Variants in PTCHD4 observed in about 807,000 individuals in gnomAD.
PTCHD4 encodes patched domain containing 4, also known as patched domain-containing protein 4.
Under a neutral mutation model 58.1 loss-of-function variants are expected in PTCHD4, and 33 were observed. That is an observed-to-expected ratio of 0.57 (90% CI 0.43 to 0.76). PTCHD4 has a LOEUF of 0.76. Among genes scored for constraint, PTCHD4 ranks in the 30% least tolerant of loss-of-function variants. The pLI is 0.00. For synonymous variants in PTCHD4, 478 were observed against 409.6 expected, an observed-to-expected ratio of 1.17 and a Z score of -2.02; for missense variants, 1,058 against 1,027.1, an observed-to-expected ratio of 1.03 and a Z score of -0.41.
rs1181950660 is a variant in PTCHD4 at position 47,858,445 on chromosome 6, A to G, written c.*19858T>C. ...GAATGAGGCAGAAATGTAAACATTAATGGAAATAAAAGTTATCACATCTCC... is the reference window on the plus strand; with the variant it reads ...GAATGAGGCAGAAATGTAAACATTAGTGGAAATAAAAGTTATCACATCTCC... On this transcript the variant is annotated 3_prime_UTR_variant, in exon 5 of 5. Transcript: ENST00000339488. 3.3e-5 allele frequency among the ~76,000 whole-genome samples: 5 copies of G among 152,064 alleles called. No individual in the cohort carries two copies. The highest frequency in any genetic ancestry group is 3.3e-4 in the Admixed American group (5 of 15,232).
chr6:47,985,752 CT>C (rs11364222), intron 4 of PTCHD4, among the ~76,000 whole-genome samples: 106,153 of 150,348 alleles, frequency 0.71, 37,383 homozygotes, highest in East Asian at 0.84. Flanking sequence ...AAATGCATTC[CT>C]TTTTTTTTTC....
chr6:47,934,460 T>A (rs555667558), intron 4 of PTCHD4, among the ~76,000 whole-genome samples: 3 of 151,470 alleles, frequency 2.0e-5, no homozygotes, highest in South Asian at 2.1e-4. Context: ...AAAAAAAAAA[T>A]GAGTATAATG....
chr6:47,878,405 G>A lies in PTCHD4; in HGVS notation c.2430C>T (p.Ser810=). Residue 810 remains serine (S), a synonymous_variant, in exon 5 of 5, where the codon TCC becomes TCT. Coordinates refer to ENST00000339488, the MANE Select transcript of PTCHD4 (RefSeq NM_001384253.1). ...GTTTCTTTTTCTTGTGGTGCTTTTT[G>A]GAAGGGGGGAAAAACGTTAGGAACA... is the stretch of plus-strand genomic sequence containing the variant. ...LPVFLTFFPP[S]KKHHKKKKRA... The A allele has an allele frequency of 6.2e-7, 1 of 1,613,162 alleles. No individual in the cohort carries two copies. Among genetic ancestry groups the A allele is most frequent in the South Asian group, 1.1e-5 (1 of 91,016 alleles).
chr6:47,931,152 C>T (rs538973303), intron 4 of PTCHD4, among the ~76,000 whole-genome samples: 1 of 152,342 alleles, frequency 6.6e-6, no homozygotes, highest in East Asian at 1.9e-4. Context: ...TTCATTAATC[C>T]ACCCAAAGCG....
chr6:47,983,755 A>T (rs909452549), intron 4 of PTCHD4, among the ~76,000 whole-genome samples: 5 of 152,174 alleles, frequency 3.3e-5, no homozygotes, highest in Non-Finnish European at 5.9e-5. Flanking sequence ...AAACCTCTAA[A>T]TATTATGATA....
intron 4 of PTCHD4, among the ~76,000 whole-genome samples, chr6:47,985,957 T>C (rs914974160): frequency 2.0e-5 from 3 of 149,700 alleles, no homozygotes; most frequent in African/African-American, 4.9e-5. Context: ...TGAGTAATTG[T>C]CTATGTAAGC....
chr6:47,887,551 A>G (rs1764230490), intron 4 of PTCHD4, among the ~76,000 whole-genome samples: 1 of 152,190 alleles, frequency 6.6e-6, no homozygotes, highest in Non-Finnish European at 1.5e-5. Flanking sequence ...GGAAATTAGC[A>G]TATTATTCAT....
intron 1 of PTCHD4, among the ~76,000 whole-genome samples, chr6:48,097,408 A>G (rs1765496281): frequency 6.6e-6 from 1 of 152,212 alleles, no homozygotes; most frequent in African/African-American, 2.4e-5. Context: ...AAGGAAATTG[A>G]AACTCAAGAA....
intron 1 of PTCHD4, among the ~76,000 whole-genome samples, chr6:48,071,339 C>A (rs1333027900): frequency 6.6e-6 from 1 of 152,088 alleles, no homozygotes; most frequent in Non-Finnish European, 1.5e-5. Flanking sequence ...AAATGTAAAT[C>A]ATGTTGTAGA....
chr6:47,925,366 C>T lies in PTCHD4; in HGVS notation c.899-45430G>A, dbSNP rs113153739. 4.2e-3 allele frequency among the ~76,000 whole-genome samples: 637 copies of T among 152,152 alleles called. 4 individuals are homozygous for T. The highest frequency in any genetic ancestry group is 0.014 in the African/African-American group (583 of 41,502). On this transcript the variant is annotated intron_variant, in intron 4 of 4. Transcript: ENST00000339488. ...TGAATATTTGTTGATATTCCTATAT[C>T]ATGTTTATGAATATATGGCATTTGT...
rs190396830 is a variant in PTCHD4, at chr6:48,043,759, A to G, written c.417+24471T>C. On this transcript the variant is annotated intron_variant, in intron 3 of 4. Transcript: ENST00000339488. ...ATTAAAAACATGCTTCCAGATGCCA[A>G]GTATTTATAAAAGTGAGGCTGTCTG... Among the ~76,000 whole-genome samples the G allele has an allele frequency of 5.3e-5, 8 of 151,958 alleles. No homozygotes were observed. The East Asian group carries it at 5.8e-4, about 11-fold the overall frequency.
rs771857885 is a variant in PTCHD4, at chr6:47,879,167, T to G, written c.1668A>C (p.Lys556Asn). ...SWVEQYYQFL[K>N]VSNVSANNKS... ...TGTTATTGGCACTGACGTTGCTGACTTTCAGGAACTGGTAGTACTGCTCCA... is the reference window on the plus strand; with the variant it reads ...TGTTATTGGCACTGACGTTGCTGACGTTCAGGAACTGGTAGTACTGCTCCA... Residue 556 changes from lysine to asparagine, a missense_variant, in exon 5 of 5, where the codon AAA (lysine) becomes AAC (asparagine). By Grantham distance (94) the Lys-to-Asn change is moderately conservative. Coordinates refer to ENST00000339488, the MANE Select transcript of PTCHD4 (RefSeq NM_001384253.1). 1 of 1,612,166 alleles carries G rather than the reference T, an allele frequency of 6.2e-7. No individual in the cohort carries two copies. The highest frequency in any genetic ancestry group is 8.5e-7 in the Non-Finnish European group (1 of 1,179,692).
rs193285983 is a variant in PTCHD4, at chr6:48,028,043, G to A, written c.418-18929C>T. On this transcript the variant is annotated intron_variant, in intron 3 of 4. Transcript: ENST00000339488. ...TATAACCCCGGCCTCCTAGGTTCAA[G>A]TGATTCTCGTGCCTCAGCCTCCCCA... Among the ~76,000 whole-genome samples, 24 of 152,174 alleles carry A rather than the reference G, an allele frequency of 1.6e-4. No individual in the cohort carries two copies. The East Asian group carries it at 4.6e-3, about 29-fold the overall frequency.
Position 47,864,930 on chromosome 6 carries a change from TAGAATA to T in PTCHD4, c.*13367_*13372del, listed in dbSNP as rs1763519737. Among the ~76,000 whole-genome samples, 7 of 151,792 alleles carry T rather than the reference TAGAATA, an allele frequency of 4.6e-5. No individual in the cohort carries two copies. The highest frequency in any genetic ancestry group is 4.1e-4 in the South Asian group (2 of 4,820). ...ACATTGCAATACTACATCTTTATGG[TAGAATA>T]AAAGCATGTGCCTTATACATAACTT... is the stretch of plus-strand genomic sequence containing the variant. On this transcript the variant is annotated 3_prime_UTR_variant, in exon 5 of 5. Transcript: ENST00000339488.
At chr6:47,923,130 T>C (rs563530851) in intron 4 of PTCHD4, among the ~76,000 whole-genome samples, 18 of 152,322 alleles carry the variant, frequency 1.2e-4, no homozygotes, top group African/African-American at 4.1e-4. Flanking sequence ...TCATCAGATA[T>C]ACTGACTCTT....
intron 4 of PTCHD4, among the ~76,000 whole-genome samples, chr6:47,944,689 TG>T (rs1766351997): frequency 6.6e-6 from 1 of 152,112 alleles, no homozygotes; most frequent in Non-Finnish European, 1.5e-5. Context: ...TTTAGGCTGC[TG>T]TAATTACATC....
chr6:48,059,664 A>C (rs1764548596), intron 3 of PTCHD4, among the ~76,000 whole-genome samples: 1 of 152,040 alleles, frequency 6.6e-6, no homozygotes, highest in Non-Finnish European at 1.5e-5. Context: ...ACAAAAAAGT[A>C]CCTAAAGTCA....
chr6:47,871,233 G>A lies in PTCHD4; in HGVS notation c.*7070C>T, dbSNP rs934209413. Among the ~76,000 whole-genome samples the A allele has an allele frequency of 4.0e-5, 6 of 151,604 alleles. No homozygotes were observed. In the South Asian group the frequency reaches 6.2e-4, roughly 16 times the overall value. On this transcript the variant is annotated 3_prime_UTR_variant, in exon 5 of 5. Coordinates refer to ENST00000339488, the MANE Select transcript of PTCHD4 (RefSeq NM_001384253.1). ...AAGTGACTTGTGTTTTAAAAACCCC[G>A]ATTTAGCAGAAAATAATAGCAATGC... is the stretch of plus-strand genomic sequence containing the variant.
intron 1 of PTCHD4, among the ~76,000 whole-genome samples, chr6:48,083,982 G>A (rs1261672517): frequency 6.6e-6 from 1 of 152,082 alleles, no homozygotes; most frequent in African/African-American, 2.4e-5. Flanking sequence ...ATATCTGTGA[G>A]ATAATAAATG....
Sources: allele counts gnomAD v4.1 joint callset (sites outside exome capture counted in the v4.1 genomes callset), GRCh38; gene constraint gnomAD v4.1.1; transcripts MANE v1.5; gene names NCBI Gene and HGNC (gene_info 2026-07-23, HGNC 2026-07-21).